Variants in PDK3 observed in about 807,000 individuals in gnomAD.
The protein encoded by PDK3 is pyruvate dehydrogenase kinase 3, also known as pyruvate dehydrogenase kinase, isozyme 3.
In PDK3, 12 loss-of-function variants were observed where a neutral mutation model predicts 32.0. The ratio of observed to expected loss-of-function variants is 0.37; its 90% CI spans 0.24 to 0.61. The LOEUF (loss-of-function observed/expected upper bound fraction) is 0.61. PDK3 is among the 20% of genes least tolerant of loss of function. PDK3 has a pLI of 0.65. For synonymous variants in PDK3, 122 were observed against 116.3 expected (o/e 1.05, Z -0.31); for missense variants, 188 against 316.9 (o/e 0.59, Z 3.09).
intron 6 of PDK3, among the ~76,000 whole-genome samples, chrX:24,519,287 T>C (rs1261209601): frequency 2.7e-5 from 3 of 109,099 alleles, no homozygotes; most frequent in African/African-American, 1.0e-4. Context: ...AAGTAACAAA[T>C]GCAAGCAGTC....
chrX:24,510,372 C>T (rs1377685568), intron 5 of PDK3, among the ~76,000 whole-genome samples: 1 of 112,280 alleles, frequency 8.9e-6, no homozygotes, highest in Non-Finnish European at 1.9e-5. Flanking sequence ...AACTCCTTTT[C>T]CCAGTTGGGA....
At chrX:24,504,115 T>C (rs917611678) in intron 4 of PDK3, among the ~76,000 whole-genome samples, 1 of 112,431 alleles carries the variant, frequency 8.9e-6, no homozygotes. Context: ...ACTGTCTCTT[T>C]GGCTGATTTT....
At chrX:24,526,410 G>A (rs1385744932) in intron 7 of PDK3, 136 bp downstream of exon 7, 2 of 430,511 alleles carry the variant, frequency 4.6e-6, no homozygotes, top group South Asian at 3.9e-5. Context: ...CTGATATCCT[G>A]TGGGTTTTAT....
chrX:24,550,189 G>A (rs984310979), exon 12 of PDK3: 14 of 112,026 alleles, frequency 1.2e-4, no homozygotes, highest in African/African-American at 4.2e-4. Flanking sequence ...AAGAAGCTTG[G>A]TCCCCTCAGT....
intron 5 of PDK3, among the ~76,000 whole-genome samples, chrX:24,511,392 C>T (rs1348074716): frequency 1.8e-5 from 2 of 111,921 alleles, no homozygotes; most frequent in Admixed American, 1.9e-4. Flanking sequence ...TTGGATGTTA[C>T]GAGAGTAAGG....
At chrX:24,515,694 A>G (rs900086127) in intron 5 of PDK3, among the ~76,000 whole-genome samples, 1 of 111,984 alleles carries the variant, frequency 8.9e-6, no homozygotes, top group Non-Finnish European at 1.9e-5. Context: ...AAGAGGAGTG[A>G]GTCTTGATTT....
Position 24,534,129 on chromosome X carries a change from A to C in PDK3, c.*57A>C. The C allele has an allele frequency of 1.8e-6, 2 of 1,112,853 alleles. No homozygotes were observed. Among genetic ancestry groups the C allele is most frequent in the Non-Finnish European group, 2.4e-6 (2 of 842,793 alleles). 91.7% of individuals were successfully genotyped at this position (1,112,853 alleles called of 1,213,427 possible). A position where few individuals can be genotyped will look rare whatever the true frequency, so the allele number is the denominator to read the frequency against. On this transcript the variant is annotated 3_prime_UTR_variant, in exon 11 of 11. Coordinates refer to ENST00000379162, the MANE Select transcript of PDK3 (RefSeq NM_005391.5). ...TGATTTGTCTGAATAAAGGTGTCCCACTCACTGTTCCAGGAATTCTTGCAG... is the reference window on the plus strand; with the variant it reads ...TGATTTGTCTGAATAAAGGTGTCCCCCTCACTGTTCCAGGAATTCTTGCAG...
chrX:24,507,794 A>G (rs1922020188), intron 5 of PDK3, among the ~76,000 whole-genome samples: 1 of 109,542 alleles, frequency 9.1e-6, no homozygotes. Context: ...TGATATTGGT[A>G]TCTGGTCTTG....
chrX:24,522,440 T>C (rs1056607589), intron 6 of PDK3, among the ~76,000 whole-genome samples: 1 of 111,610 alleles, frequency 9.0e-6, no homozygotes, highest in South Asian at 3.8e-4. Flanking sequence ...CTAGAGAATG[T>C]TGTTTAAACT....
intron 5 of PDK3, among the ~76,000 whole-genome samples, chrX:24,507,946 G>A (rs1024105331): frequency 1.8e-5 from 2 of 111,730 alleles, no homozygotes; most frequent in African/African-American, 6.5e-5. Context: ...TCTTGAGGCT[G>A]TTGATGGGCA....
chrX:24,486,644 T>G (rs1005778742), intron 1 of PDK3, among the ~76,000 whole-genome samples: 1 of 111,212 alleles, frequency 9.0e-6, no homozygotes, highest in Non-Finnish European at 1.9e-5. Context: ...TTGTTTTTGT[T>G]TTTTTGAAAT....
At chrX:24,548,725 T>C (rs1402630496) in exon 12 of PDK3, 4 of 112,239 alleles carry the variant, frequency 3.6e-5, no homozygotes, top group African/African-American at 3.2e-5. Context: ...TGAGATTCTT[T>C]TTGAGAGAAA....
At chrX:24,531,566 G>T in intron 9 of PDK3, 91 bp from the exon 10 acceptor site, 2 of 507,166 alleles carry the variant, frequency 3.9e-6, no homozygotes, top group East Asian at 3.4e-5. Flanking sequence ...TCTGAATCAA[G>T]AATTTATTTT....
At chrX:24,527,002 C>T (rs144435978) in intron 7 of PDK3, among the ~76,000 whole-genome samples, 15 of 112,198 alleles carry the variant, frequency 1.3e-4, no homozygotes, top group Non-Finnish European at 2.4e-4. Context: ...ACTGATGTAA[C>T]GCTTTAAGGT....
intron 1 of PDK3, among the ~76,000 whole-genome samples, chrX:24,467,281 T>C (rs968622502): frequency 1.8e-5 from 2 of 112,270 alleles, no homozygotes; most frequent in African/African-American, 6.5e-5. Flanking sequence ...ATTAATAAAA[T>C]GAGTAGATTG....
At chrX:24,517,831 G>A (rs1922294307) in intron 5 of PDK3, among the ~76,000 whole-genome samples, 1 of 111,869 alleles carries the variant, frequency 8.9e-6, no homozygotes, top group Non-Finnish European at 1.9e-5. Flanking sequence ...GCCCCAGCCT[G>A]TTACCTTTAA....
chrX:24,471,712 A>G (rs1291169794), intron 1 of PDK3, among the ~76,000 whole-genome samples: 4 of 111,943 alleles, frequency 3.6e-5, no homozygotes, highest in Non-Finnish European at 5.6e-5. Flanking sequence ...TATAGCTCCT[A>G]TTGTTTTTGC....
chrX:24,506,296 C>G (rs1428150971), intron 5 of PDK3, among the ~76,000 whole-genome samples: 2 of 111,759 alleles, frequency 1.8e-5, no homozygotes, highest in African/African-American at 3.3e-5. Flanking sequence ...ATTGGTTGCT[C>G]TCTCACAAGA....
At chrX:24,475,096 T>A (rs1013141300) in intron 1 of PDK3, among the ~76,000 whole-genome samples, 15 of 111,954 alleles carry the variant, frequency 1.3e-4, no homozygotes, top group Non-Finnish European at 2.3e-4. Flanking sequence ...GAAAGGTTTT[T>A]AAAAAAATTA....
Sources: allele counts gnomAD v4.1 joint callset (sites outside exome capture counted in the v4.1 genomes callset), GRCh38; gene constraint gnomAD v4.1.1; transcripts MANE v1.5; gene names NCBI Gene and HGNC (gene_info 2026-07-23, HGNC 2026-07-21).